ARRB1: variants seen among roughly 807,000 people sequenced by gnomAD.
ARRB1 encodes beta-arrestin-1.
Under a neutral mutation model 56.8 loss-of-function variants are expected in ARRB1, and 21 were observed. That is an observed-to-expected ratio of 0.37 (90% CI 0.26 to 0.53). The LOEUF is 0.53. Among genes scored for constraint, ARRB1 ranks in the 20% least tolerant of loss-of-function variants. The pLI is 0.88. For synonymous variants in ARRB1, 210 were observed against 218.6 expected (o/e 0.96, Z 0.35); for missense variants, 424 against 553.7 (o/e 0.77, Z 2.35).
At chr11:75,338,098 T>C (rs1341586029) in intron 1 of ARRB1, among the ~76,000 whole-genome samples, 2 of 151,994 alleles carry the variant, frequency 1.3e-5, no homozygotes, top group Non-Finnish European at 2.9e-5. Context: ...GTTAGCAGTG[T>C]GGTGGGGACA....
intron 1 of ARRB1, among the ~76,000 whole-genome samples, chr11:75,340,198 G>T (rs1260270809): frequency 1.3e-5 from 2 of 152,218 alleles, no homozygotes; most frequent in Non-Finnish European, 2.9e-5. Context: ...CAGTTTGCAG[G>T]CAAATTATCT....
At chr11:75,270,828 T>G (rs1236974256) in intron 13 of ARRB1, 8 of 152,136 alleles carry the variant, frequency 5.3e-5, no homozygotes. Flanking sequence ...ATGTGAAGCT[T>G]GTGCCTGCCA....
intron 15 of ARRB1, 33 bp from the exon 16 acceptor site, chr11:75,266,307 T>A: frequency 6.4e-7 from 1 of 1,574,482 alleles, no homozygotes; most frequent in South Asian, 1.1e-5. Context: ...TGTGGTGTGT[T>A]TGCAGGGGCA....
At chr11:75,325,004 G>T (rs1466443047) in intron 1 of ARRB1, among the ~76,000 whole-genome samples, 1 of 152,124 alleles carries the variant, frequency 6.6e-6, no homozygotes, top group Non-Finnish European at 1.5e-5. Flanking sequence ...GGGCTGGGCG[G>T]GAGGGCCTTG....
chr11:75,284,442 C>G (rs947052254), intron 3 of ARRB1, 163 bp from the exon 4 acceptor site: 29 of 562,092 alleles, frequency 5.2e-5, no homozygotes, highest in Non-Finnish European at 8.5e-5. Flanking sequence ...CCCACCTCCA[C>G]CACGCTCCAC....
intron 1 of ARRB1, among the ~76,000 whole-genome samples, chr11:75,309,655 G>C (rs1947114594): frequency 6.6e-6 from 1 of 152,156 alleles, no homozygotes; most frequent in African/African-American, 2.4e-5. Flanking sequence ...TAGGTAGGTG[G>C]GAGGAAATAA....
chr11:75,296,248 G>C (rs542310575), intron 1 of ARRB1, among the ~76,000 whole-genome samples: 67 of 151,006 alleles, frequency 4.4e-4, no homozygotes, highest in African/African-American at 1.6e-3. Flanking sequence ...GTGAATGTGT[G>C]TGTACTGAAT....
Position 75,302,294 on chromosome 11 carries a change from G to C in ARRB1, c.21-12255C>G, listed in dbSNP as rs376370381. ...TCCCCAAGCCTCCTGCCGCATTCAC[G>C]GGTTCACTTCTTTGGCCATGAAGCA... On this transcript the variant is annotated intron_variant, in intron 1 of 15. Coordinates refer to ENST00000420843, the MANE Select transcript of ARRB1 (RefSeq NM_004041.5). 9.6e-4 allele frequency among the ~76,000 whole-genome samples: 146 copies of C among 152,332 alleles called. 2 individuals are homozygous for C. The South Asian group carries it at 0.028, about 29-fold the overall frequency.
chr11:75,269,249 C>A, intron 13 of ARRB1: 4 of 640,362 alleles, frequency 6.2e-6, no homozygotes, highest in East Asian at 3.3e-5. Flanking sequence ...AAGGATTGCC[C>A]GGGGCAGCAT....
intron 1 of ARRB1, among the ~76,000 whole-genome samples, chr11:75,350,167 C>T (rs1947825306): frequency 6.6e-6 from 1 of 152,226 alleles, no homozygotes; most frequent in Non-Finnish European, 1.5e-5. Flanking sequence ...CTTTCTCACA[C>T]TGTGGAGAGA....
intron 1 of ARRB1, among the ~76,000 whole-genome samples, chr11:75,328,036 GATCCAACGCAT>G (rs899152438): frequency 2.6e-5 from 4 of 152,204 alleles, no homozygotes; most frequent in African/African-American, 9.7e-5. Context: ...CTTCTATCTA[GATCCAACGCAT>G]TTCCATCACT....
rs892205878 is a variant in ARRB1 at position 75,272,813 on chromosome 11, G to C, written c.998+82C>G. 6 of 1,390,910 alleles carry C rather than the reference G, an allele frequency of 4.3e-6. No homozygotes were observed. The Admixed American group carries it at 6.9e-5, about 16-fold the overall frequency. 86.2% of individuals were successfully genotyped at this position (1,390,910 alleles called of 1,614,324 possible). ...GATGCAGCTAAAAGGGCTGCAAACA[G>C]GCAGAATGGGGCAGGGGCCTGTGGG... is the stretch of plus-strand genomic sequence containing the variant. On this transcript the variant is annotated intron_variant, in intron 12 of 15. Transcript: ENST00000420843.
At chr11:75,325,119 C>T (rs1947410700) in intron 1 of ARRB1, among the ~76,000 whole-genome samples, 1 of 152,142 alleles carries the variant, frequency 6.6e-6, no homozygotes, top group South Asian at 2.1e-4. Context: ...ACAACTGAGG[C>T]TGGCAGTGGG....
At chr11:75,343,497 A>T (rs112478299) in intron 1 of ARRB1, among the ~76,000 whole-genome samples, 27 of 152,150 alleles carry the variant, frequency 1.8e-4, no homozygotes, top group Admixed American at 3.3e-4. Context: ...ACCGCATAAA[A>T]CTGACCTTGC....
chr11:75,306,712 G>A, intron 1 of ARRB1: 1 of 1,236,328 alleles, frequency 8.1e-7, no homozygotes, highest in Non-Finnish European at 1.0e-6. Flanking sequence ...GCTCTCCCCA[G>A]CCCCAAGTGA....
intron 1 of ARRB1, among the ~76,000 whole-genome samples, chr11:75,317,327 C>T (rs1441559648): frequency 6.6e-6 from 1 of 152,124 alleles, no homozygotes; most frequent in Non-Finnish European, 1.5e-5. Context: ...CTCCTCCCTC[C>T]AGGTGCTCTC....
At chr11:75,286,617 A>G (rs908427414) in intron 3 of ARRB1, among the ~76,000 whole-genome samples, 3 of 152,112 alleles carry the variant, frequency 2.0e-5, no homozygotes, top group South Asian at 2.1e-4. Flanking sequence ...TGGGCATCGA[A>G]TGAGTAGAGA....
rs1317483449 is a variant in ARRB1 at position 75,262,506 on chromosome 11, G to A, written c.*3657C>T. The A allele has an allele frequency of 6.6e-6, 1 of 152,286 alleles. No homozygotes were observed. Among genetic ancestry groups the A allele is most frequent in the Non-Finnish European group, 1.5e-5 (1 of 68,066 alleles). 9.4% of individuals were successfully genotyped at this position (152,286 alleles called of 1,614,324 possible). A position where few individuals can be genotyped will look rare whatever the true frequency, so the allele number is the denominator to read the frequency against. ...AGTGAGAAGCAGGGCAAGCGATGAAGACTGGTGGGGAGGGCTCCTCCTGCA... is the reference window on the plus strand; with the variant it reads ...AGTGAGAAGCAGGGCAAGCGATGAAAACTGGTGGGGAGGGCTCCTCCTGCA... On this transcript the variant is annotated 3_prime_UTR_variant, in exon 16 of 16. Coordinates refer to ENST00000420843, the MANE Select transcript of ARRB1 (RefSeq NM_004041.5).
intron 1 of ARRB1, among the ~76,000 whole-genome samples, chr11:75,325,385 A>G (rs1171034261): frequency 2.0e-5 from 3 of 152,174 alleles, no homozygotes. Flanking sequence ...GCAGTGGCAC[A>G]ATCTCAGCTC....
Sources: allele counts gnomAD v4.1 joint callset (sites outside exome capture counted in the v4.1 genomes callset), GRCh38; gene constraint gnomAD v4.1.1; transcripts MANE v1.5; gene names NCBI Gene and HGNC (gene_info 2026-07-23, HGNC 2026-07-21).